The following PDE4D variants were observed in gnomAD, a reference collection of about 807,000 sequenced individuals.
PDE4D encodes 3',5'-cyclic-AMP phosphodiesterase 4D.
PDE4D carries 24 observed loss-of-function variants against 87.4 expected under a neutral mutation model. The observed-to-expected ratio is 0.27, with a 90% CI of 0.20 to 0.39. The LOEUF (loss-of-function observed/expected upper bound fraction) is 0.39, where lower values mean the gene tolerates loss of function less well. Ranked by LOEUF, PDE4D falls within the 10% of genes least tolerant of loss-of-function variation. The probability of loss-of-function intolerance (pLI) is 1.00; values close to 1 mark genes in which losing one functional copy is unlikely to be tolerated. For missense variants in PDE4D, 714 were observed against 1,041.0 expected (o/e 0.69, Z 4.32); for synonymous variants, 384 against 383.2 (o/e 1.00, Z -0.02).
intron 1 of PDE4D, among the ~76,000 whole-genome samples, chr5:60,401,361 G>GA (rs1741067465): frequency 6.6e-6 from 1 of 152,102 alleles, no homozygotes; most frequent in African/African-American, 2.4e-5. Flanking sequence ...GAAAAATCTA[G>GA]AAAAAGGGCA....
At chr5:59,086,711 A>G (rs1279821444) in intron 5 of PDE4D, among the ~76,000 whole-genome samples, 2 of 152,180 alleles carry the variant, frequency 1.3e-5, no homozygotes, top group Non-Finnish European at 2.9e-5. Context: ...TCTTATGGAC[A>G]GCAGATGCCA....
intron 1 of PDE4D, among the ~76,000 whole-genome samples, chr5:59,801,440 T>C (rs1767114858): frequency 6.6e-6 from 1 of 152,334 alleles, no homozygotes; most frequent in African/African-American, 2.4e-5. Context: ...TTTAGGAACT[T>C]ATCTGGTGAT....
intron 1 of PDE4D, among the ~76,000 whole-genome samples, chr5:59,792,607 G>A (rs781058456): frequency 1.2e-4 from 18 of 152,290 alleles, no homozygotes; most frequent in Non-Finnish European, 2.5e-4. Flanking sequence ...ACGCAAGGTG[G>A]TAAAAGCATG....
intron 1 of PDE4D, among the ~76,000 whole-genome samples, chr5:60,210,252 A>G (rs1743033939): frequency 6.6e-6 from 1 of 152,102 alleles, no homozygotes; most frequent in African/African-American, 2.4e-5. Flanking sequence ...AAATCCATTA[A>G]TGTTGGCAAA....
chr5:60,217,942 C>G (rs1352511195), intron 1 of PDE4D, among the ~76,000 whole-genome samples: 1 of 151,958 alleles, frequency 6.6e-6, no homozygotes, highest in Non-Finnish European at 1.5e-5. Flanking sequence ...TCATACATCA[C>G]TGGTAGAAAT....
chr5:60,474,108 A>ATATATATATGTGTG (rs796843843), intron 1 of PDE4D, among the ~76,000 whole-genome samples: 57 of 52,260 alleles, frequency 1.1e-3, no homozygotes, highest in South Asian at 6.5e-3. Context: ...GAGCTGCCAT[A>ATATATATATGTGTG]TATATATATA....
intron 1 of PDE4D, among the ~76,000 whole-genome samples, chr5:59,401,524 C>A (rs1562114761): frequency 6.7e-6 from 1 of 149,462 alleles, no homozygotes; most frequent in African/African-American, 2.5e-5. Flanking sequence ...TTTAATAATG[C>A]AAGAGAGTGA....
chr5:59,158,076 A>G (rs923491477), intron 5 of PDE4D, among the ~76,000 whole-genome samples: 7 of 152,108 alleles, frequency 4.6e-5, no homozygotes, highest in Non-Finnish European at 1.0e-4. Context: ...AGTTCTCTTG[A>G]TGTTCTTGGT....
At chr5:60,305,153 A>G (rs1754375536) in intron 1 of PDE4D, among the ~76,000 whole-genome samples, 1 of 152,098 alleles carries the variant, frequency 6.6e-6, no homozygotes, top group African/African-American at 2.4e-5. Flanking sequence ...ATCCAAAAGA[A>G]AAACTCAGAA....
chr5:59,287,762 G>A (rs1767269138), intron 1 of PDE4D, among the ~76,000 whole-genome samples: 1 of 151,962 alleles, frequency 6.6e-6, no homozygotes, highest in African/African-American at 2.4e-5. Flanking sequence ...GACAGACTGA[G>A]ACTGAATCTG....
chr5:59,669,785 C>T (rs561408396), intron 1 of PDE4D, among the ~76,000 whole-genome samples: 1 of 152,106 alleles, frequency 6.6e-6, no homozygotes, highest in Non-Finnish European at 1.5e-5. Context: ...ACACCCCCCC[C>T]AATAGTCCAG....
At chr5:58,990,427 A>G (rs564246633) in intron 9 of PDE4D, among the ~76,000 whole-genome samples, 2 of 152,292 alleles carry the variant, frequency 1.3e-5, no homozygotes, top group South Asian at 2.1e-4. Context: ...GTGACTGAAA[A>G]AACTATATTC....
intron 1 of PDE4D, among the ~76,000 whole-genome samples, chr5:59,474,734 C>T (rs1308902207): frequency 2.0e-5 from 3 of 151,996 alleles, no homozygotes; most frequent in African/African-American, 4.8e-5. Context: ...TTTTGGATTA[C>T]TGCAGAATAA....
chr5:59,989,779 T>C (rs984832499), intron 2 of PDE4D, among the ~76,000 whole-genome samples: 3 of 152,154 alleles, frequency 2.0e-5, no homozygotes, highest in Non-Finnish European at 4.4e-5. Context: ...GCAATATTTA[T>C]TATATCCACA....
chr5:59,943,400 T>C (rs1757388885), intron 3 of PDE4D, among the ~76,000 whole-genome samples: 2 of 152,134 alleles, frequency 1.3e-5, no homozygotes, highest in Admixed American at 6.5e-5. Context: ...GCTAATATCA[T>C]AGATATCTCT....
At chr5:59,617,065 CTCT>C (rs994647610) in intron 1 of PDE4D, among the ~76,000 whole-genome samples, 7 of 151,264 alleles carry the variant, frequency 4.6e-5, no homozygotes, top group South Asian at 4.2e-4. Context: ...GGTGTATCTT[CTCT>C]TCTTATTTGC....
chr5:59,852,360 C>T (rs777026446), intron 1 of PDE4D, among the ~76,000 whole-genome samples: 19 of 152,076 alleles, frequency 1.2e-4, no homozygotes, highest in Non-Finnish European at 2.5e-4. Context: ...TCATAAAAGA[C>T]ATTGCAGCTT....
chr5:59,031,387 AT>A lies in PDE4D; in HGVS notation c.921+7471del, dbSNP rs1561347966. ...GATATATATATATATATATATATAT[AT>A]ATATTATATATATATATATATATAT... On this transcript the variant is annotated intron_variant, in intron 6 of 14. Coordinates refer to ENST00000340635, the MANE Select transcript of PDE4D (RefSeq NM_001104631.2). 4.0e-3 allele frequency among the ~76,000 whole-genome samples: 285 copies of A among 71,676 alleles called. 4 individuals are homozygous for A. Among genetic ancestry groups the A allele is most frequent in the African/African-American group, 0.01 (156 of 15,110 alleles). 47.0% of individuals were successfully genotyped at this position (71,676 alleles called of 152,430 possible).
intron 1 of PDE4D, among the ~76,000 whole-genome samples, chr5:59,854,841 G>C (rs943588843): frequency 3.3e-5 from 5 of 152,060 alleles, no homozygotes; most frequent in African/African-American, 1.2e-4. Flanking sequence ...AAGTTGTCTT[G>C]CTTGAAGGTG....
Sources: allele counts gnomAD v4.1 joint callset (sites outside exome capture counted in the v4.1 genomes callset), GRCh38; gene constraint gnomAD v4.1.1; transcripts MANE v1.5; gene names NCBI Gene and HGNC (gene_info 2026-07-23, HGNC 2026-07-21).